NXN: variants seen among roughly 807,000 people sequenced by gnomAD.
NXN encodes nucleoredoxin 1.
Under a neutral mutation model 48.6 loss-of-function variants are expected in NXN, and 16 were observed. The ratio of observed to expected loss-of-function variants is 0.33; its 90% CI spans 0.22 to 0.50. The LOEUF (loss-of-function observed/expected upper bound fraction) is 0.50, where lower values mean the gene tolerates loss of function less well. Ranked by LOEUF, NXN falls within the 20% of genes least tolerant of loss-of-function variation. NXN has a pLI of 0.98. For synonymous variants in NXN, 281 were observed against 269.6 expected, an observed-to-expected ratio of 1.04 and a Z score of -0.41; for missense variants, 492 against 605.5, an observed-to-expected ratio of 0.81 and a Z score of 1.97.
chr17:948,480 GC>G (rs1255138017), intron 1 of NXN, among the ~76,000 whole-genome samples: 1 of 152,068 alleles, frequency 6.6e-6, no homozygotes, highest in Non-Finnish European at 1.5e-5. Context: ...GGTAGGAGCG[GC>G]CCTGGGACCA....
chr17:846,606 CCTTT>C (rs2067864930), intron 1 of NXN, among the ~76,000 whole-genome samples: 1 of 152,132 alleles, frequency 6.6e-6, no homozygotes, highest in Non-Finnish European at 1.5e-5. Context: ...GCCCCTGTAC[CCTTT>C]TTTTATTGGC....
At position 879,402 on chromosome 17, in the gene NXN, G is replaced by A. The variant is rs575646761; in HGVS notation, c.361-53324C>T. On this transcript the variant is annotated intron_variant, in intron 1 of 7. Coordinates refer to ENST00000336868, the MANE Select transcript of NXN (RefSeq NM_022463.5). Reference sequence around the variant, plus strand: ...TCTCCCAGGTTCAAGCGATTCTCCCGCCTCAGCCTCCCAAGTAGCTCAGAT... The same window carrying A: ...TCTCCCAGGTTCAAGCGATTCTCCCACCTCAGCCTCCCAAGTAGCTCAGAT... Among the ~76,000 whole-genome samples the A allele has an allele frequency of 9.6e-4, 145 of 150,404 alleles. 3 individuals carry two copies. The highest frequency in any genetic ancestry group is 1.0e-3 in the Non-Finnish European group (70 of 67,708).
At chr17:866,150 G>C (rs1201209887) in intron 1 of NXN, among the ~76,000 whole-genome samples, 1 of 152,154 alleles carries the variant, frequency 6.6e-6, no homozygotes, top group Non-Finnish European at 1.5e-5. Context: ...ATTAAAGCAG[G>C]TCGGCTATGC....
intron 4 of NXN, among the ~76,000 whole-genome samples, 198 bp from the exon 5 acceptor site, chr17:819,743 C>T (rs754954758): frequency 7.2e-5 from 11 of 152,184 alleles, no homozygotes; most frequent in Non-Finnish European, 1.6e-4. Flanking sequence ...TGCCTCCACA[C>T]AGCAGGTGGG....
At chr17:911,550 C>T (rs1421412727) in intron 1 of NXN, among the ~76,000 whole-genome samples, 1 of 151,592 alleles carries the variant, frequency 6.6e-6, no homozygotes, top group East Asian at 1.9e-4. Context: ...AGGATGGTCT[C>T]GATCTCCTGA....
At position 849,352 on chromosome 17, in the gene NXN, G is replaced by A. The variant is rs761391276; in HGVS notation, c.361-23274C>T. The stretch of plus-strand genomic sequence containing the variant: ...GTTAGAGACCACCCTGGCAAACAGG[G>A]TGAAATCTCATCTCTACTAAAAATA... On this transcript the variant is annotated intron_variant, in intron 1 of 7. Transcript: ENST00000336868. This position sits in a 1 kb window ranked among gnomAD's most constrained non-coding sequence, Gnocchi z 4.2. 5.3e-5 allele frequency among the ~76,000 whole-genome samples: 8 copies of A among 152,174 alleles called. No individual in the cohort carries two copies. Among genetic ancestry groups the A allele is most frequent in the African/African-American group, 9.7e-5 (4 of 41,436 alleles).
At chr17:926,517 A>G (rs914536077) in intron 1 of NXN, among the ~76,000 whole-genome samples, 3 of 144,278 alleles carry the variant, frequency 2.1e-5, no homozygotes, top group Non-Finnish European at 4.5e-5. Flanking sequence ...TATTAACAGG[A>G]GTATCCCATG....
chr17:903,307 A>G (rs602374), intron 1 of NXN, among the ~76,000 whole-genome samples: 87,594 of 150,666 alleles, frequency 0.58, 26,477 homozygotes, highest in East Asian at 0.91. Flanking sequence ...CAGTGTTCAA[A>G]CGATTCTCCT....
intron 1 of NXN, among the ~76,000 whole-genome samples, chr17:872,979 G>C (rs1287260905): frequency 6.6e-6 from 1 of 152,184 alleles, no homozygotes. Flanking sequence ...CCCAGTGTGG[G>C]TGGGCCTCAT....
intron 1 of NXN, among the ~76,000 whole-genome samples, chr17:915,352 C>T (rs1404726034): frequency 2.0e-5 from 3 of 152,188 alleles, no homozygotes; most frequent in East Asian, 3.9e-4. Context: ...GGAGTCATCT[C>T]GGCTCACTGC....
At chr17:967,701 A>C (rs2069323005) in intron 1 of NXN, among the ~76,000 whole-genome samples, 1 of 152,178 alleles carries the variant, frequency 6.6e-6, no homozygotes, top group Non-Finnish European at 1.5e-5. Flanking sequence ...ATTTGGATTC[A>C]AACAAACCAA....
rs1239567319 is a variant in NXN at position 979,639 on chromosome 17, C to T, written c.40G>A (p.Val14Met). 1.4e-6 allele frequency: 2 copies of T among 1,471,968 alleles called. No individual in the cohort carries two copies. The highest frequency in any genetic ancestry group is 5.7e-5 in the East Asian group (2 of 34,858). 91.2% of individuals were successfully genotyped at this position (1,471,968 alleles called of 1,614,324 possible). The change falls in exon 1 of 8, where the codon GTG (valine) becomes ATG (methionine). Residue 14 changes from valine (V) to methionine (M), a missense_variant. This residue lies in a region of NXN where 186 missense variants were observed against 199.1 expected (regional missense o/e 0.93). Coordinates refer to ENST00000336868, the MANE Select transcript of NXN (RefSeq NM_022463.5). ...TCCACCTCCTCGCCGCCGCCCGTCA[C>T]CAGCTTCTCGCCGAGCAGCTCCTCC... Reference protein sequence around the residue: ...FLEELLGEKLVTGGGEEVDVH... With the variant: ...FLEELLGEKLMTGGGEEVDVH...
chr17:874,965 C>T (rs369192618), intron 1 of NXN, among the ~76,000 whole-genome samples: 7 of 152,084 alleles, frequency 4.6e-5, no homozygotes, highest in East Asian at 3.8e-4. Context: ...TTATAGAACA[C>T]CATTTACCAT....
chr17:895,645 T>C lies in NXN; in HGVS notation c.361-69567A>G, dbSNP rs1390287618. 1.8e-4 allele frequency among the ~76,000 whole-genome samples: 10 copies of C among 54,316 alleles called. 1 individual carries two copies. Among genetic ancestry groups the C allele is most frequent in the Non-Finnish European group, 3.1e-4 (9 of 28,608 alleles). The allele number at this position is 54,316 out of a possible 152,430, so 35.6% of individuals were successfully genotyped here. A position where few individuals can be genotyped will look rare whatever the true frequency, so the allele number is the denominator to read the frequency against. On this transcript the variant is annotated intron_variant, in intron 1 of 7. Transcript: ENST00000336868. The stretch of plus-strand genomic sequence containing the variant: ...GGCTAACACGGTGAAACCCCGTCTC[T>C]ACTTAAAATACAAAAAAAAAAAATT...
intron 1 of NXN, among the ~76,000 whole-genome samples, chr17:845,104 C>T (rs1410815705): frequency 6.6e-6 from 1 of 152,068 alleles, no homozygotes; most frequent in African/African-American, 2.4e-5. Flanking sequence ...CCAGCTGCTA[C>T]AGTGAGAAGC....
At chr17:918,753 A>G (rs907602074) in intron 1 of NXN, among the ~76,000 whole-genome samples, 9 of 120,626 alleles carry the variant, frequency 7.5e-5, no homozygotes, top group African/African-American at 2.9e-4. Context: ...AGATCGCGCC[A>G]CCGCACTCCA....
chr17:922,907 C>T (rs1365218967), intron 1 of NXN, among the ~76,000 whole-genome samples: 1 of 152,010 alleles, frequency 6.6e-6, no homozygotes, highest in Non-Finnish European at 1.5e-5. Context: ...TGCCTTCGGC[C>T]TCCCAAAGTG....
intron 1 of NXN, among the ~76,000 whole-genome samples, chr17:950,080 C>T (rs781719856): frequency 3.9e-5 from 6 of 152,214 alleles, no homozygotes; most frequent in African/African-American, 1.4e-4. Flanking sequence ...AGCCCCTTAA[C>T]TCTGAAGGCA....
At chr17:823,094 T>C (rs1032020076) in intron 3 of NXN, among the ~76,000 whole-genome samples, 15 of 120,726 alleles carry the variant, frequency 1.2e-4, no homozygotes, top group Admixed American at 7.8e-4. Context: ...AGCAAGACTC[T>C]GTCTCAAAAA....
Sources: allele counts gnomAD v4.1 joint callset (sites outside exome capture counted in the v4.1 genomes callset), GRCh38; gene constraint gnomAD v4.1.1; regional missense constraint gnomAD v4.1.1; non-coding constraint Gnocchi (gnomAD v3.1); transcripts MANE v1.5; gene names NCBI Gene and HGNC (gene_info 2026-07-23, HGNC 2026-07-21).